The following VSNL1 variants were observed in gnomAD, a reference collection of about 807,000 sequenced individuals.
VSNL1 encodes visinin-like protein 1.
Under a neutral mutation model 20.4 loss-of-function variants are expected in VSNL1, and 6 were observed. The ratio of observed to expected loss-of-function variants is 0.29; its 90% CI spans 0.16 to 0.58. The LOEUF is 0.58. Among genes scored for constraint, VSNL1 ranks in the 20% least tolerant of loss-of-function variants. The pLI, the probability that VSNL1 is intolerant of heterozygous loss-of-function variation, is 0.90. For synonymous variants in VSNL1, 93 were observed against 86.4 expected, an observed-to-expected ratio of 1.08 and a Z score of -0.42; for missense variants, 100 against 234.5, an observed-to-expected ratio of 0.43 and a Z score of 3.75.
chr2:17,622,440 G>C (rs2555098), intron 2 of VSNL1, among the ~76,000 whole-genome samples: 1 of 149,674 alleles, frequency 6.7e-6, no homozygotes, highest in African/African-American at 2.5e-5. Flanking sequence ...GGAGGTCGCA[G>C]TGAGCCAAGA....
intron 2 of VSNL1, among the ~76,000 whole-genome samples, chr2:17,625,092 GT>G (rs1468020599): frequency 6.6e-6 from 1 of 151,346 alleles, no homozygotes; most frequent in Admixed American, 6.6e-5. Context: ...AGCTCTGATG[GT>G]TTTATCAGGG....
At position 17,655,593 on chromosome 2, in the gene VSNL1, G is replaced by T; in HGVS notation, c.*199G>T. On this transcript the variant is annotated 3_prime_UTR_variant, in exon 4 of 4. Coordinates refer to ENST00000295156, the MANE Select transcript of VSNL1 (RefSeq NM_003385.5). This position sits in a 1 kb window ranked among gnomAD's most constrained non-coding sequence, Gnocchi z 5.2. ...TGTCATTTGCTAATGAATTTTAAAA[G>T]CATATATAAAACAAAACAAACAACC... 1.8e-6 allele frequency: 1 copy of T among 556,334 alleles called. No homozygotes were observed. Among genetic ancestry groups the T allele is most frequent in the Middle Eastern group, 4.8e-4 (1 of 2,062 alleles). 34.5% of individuals were successfully genotyped at this position (556,334 alleles called of 1,614,324 possible).
intron 2 of VSNL1, among the ~76,000 whole-genome samples, chr2:17,614,312 G>A (rs1410858544): frequency 6.6e-6 from 1 of 152,266 alleles, no homozygotes; most frequent in Non-Finnish European, 1.5e-5. Context: ...GCTTAACAAT[G>A]TTCAGCAAAT....
In VSNL1 at chr2:17,649,734, AG is replaced by A. The variant is rs1406196742; in HGVS notation, c.378+110del. On this transcript the variant is annotated intron_variant, in intron 3 of 3. Coordinates refer to ENST00000295156, the MANE Select transcript of VSNL1 (RefSeq NM_003385.5). The surrounding 1 kb of genome is among the most constrained non-coding windows in gnomAD (Gnocchi z 6.4). Reference sequence around the variant, plus strand: ...CTTCTCTCTCTGCTCGAGCCCTGCCAGCTGCACACCACGCCTGGACTTCTCC... The same window carrying A: ...CTTCTCTCTCTGCTCGAGCCCTGCCACTGCACACCACGCCTGGACTTCTCC... 9.8e-7 allele frequency: 1 copy of A among 1,023,190 alleles called. No homozygotes were observed. Among genetic ancestry groups the A allele is most frequent in the African/African-American group, 1.6e-5 (1 of 62,902 alleles). 63.4% of individuals were successfully genotyped at this position (1,023,190 alleles called of 1,614,324 possible). A position where few individuals can be genotyped will look rare whatever the true frequency, so the allele number is the denominator to read the frequency against.
intron 2 of VSNL1, among the ~76,000 whole-genome samples, chr2:17,610,315 A>G (rs942240474): frequency 2.6e-5 from 4 of 152,168 alleles, no homozygotes; most frequent in Non-Finnish European, 4.4e-5. Flanking sequence ...GAGCTCAATC[A>G]ATGAGGGAGT....
intron 2 of VSNL1, among the ~76,000 whole-genome samples, chr2:17,629,013 C>T (rs1665573941): frequency 6.6e-6 from 1 of 152,256 alleles, no homozygotes; most frequent in South Asian, 2.1e-4. Context: ...GCCTTCAACA[C>T]AGGGCTCAGA....
At chr2:17,563,445 G>C (rs1663864781) in intron 1 of VSNL1, among the ~76,000 whole-genome samples, 1 of 152,126 alleles carries the variant, frequency 6.6e-6, no homozygotes, top group African/African-American at 2.4e-5. Context: ...GGAAAATATT[G>C]GTCAGTCACC....
At chr2:17,578,006 A>G (rs1449816606) in intron 1 of VSNL1, among the ~76,000 whole-genome samples, 1 of 152,214 alleles carries the variant, frequency 6.6e-6, no homozygotes, top group African/African-American at 2.4e-5. Flanking sequence ...AAACGGTTGT[A>G]AAGAAGAAGT....
chr2:17,630,985 T>A (rs1665615639), intron 2 of VSNL1, among the ~76,000 whole-genome samples: 1 of 152,210 alleles, frequency 6.6e-6, no homozygotes, highest in Admixed American at 6.5e-5. Flanking sequence ...TTTCACCATG[T>A]TGGCCAGGCT....
At chr2:17,617,202 G>A (rs747405352) in intron 2 of VSNL1, among the ~76,000 whole-genome samples, 7 of 152,184 alleles carry the variant, frequency 4.6e-5, no homozygotes, top group Admixed American at 4.6e-4. Context: ...TTCAGCAGGA[G>A]AGCTTGAGAG....
At chr2:17,602,374 G>A (rs1229428216) in intron 2 of VSNL1, among the ~76,000 whole-genome samples, 1 of 152,222 alleles carries the variant, frequency 6.6e-6, no homozygotes, top group Non-Finnish European at 1.5e-5. Flanking sequence ...CCTCACAGGT[G>A]AAATCCAGTC....
intron 2 of VSNL1, among the ~76,000 whole-genome samples, chr2:17,593,421 A>AT (rs1269532958): frequency 6.6e-6 from 1 of 152,234 alleles, no homozygotes; most frequent in Non-Finnish European, 1.5e-5. Context: ...GGAAATAGAA[A>AT]TTTTTAAAAA....
chr2:17,634,456 A>T lies in VSNL1; in HGVS notation c.163-14954A>T, dbSNP rs1572213060. On this transcript the variant is annotated intron_variant, in intron 2 of 3. Transcript: ENST00000295156. The surrounding 1 kb of genome is among the most constrained non-coding windows in gnomAD (Gnocchi z 4.3). ...TGTCCCTTTCCATCTCAGCCTTTGC[A>T]TTTAGCGGTCTTCTCAACACGTGTC... 6.6e-6 allele frequency among the ~76,000 whole-genome samples: 1 copy of T among 152,234 alleles called. No homozygotes were observed. The highest frequency in any genetic ancestry group is 2.1e-4 in the South Asian group (1 of 4,834).
intron 1 of VSNL1, among the ~76,000 whole-genome samples, chr2:17,548,277 A>G (rs559199536): frequency 2.6e-5 from 4 of 151,496 alleles, no homozygotes; most frequent in Non-Finnish European, 5.9e-5. Context: ...AGCATTTTCA[A>G]TTTCCTTCAG....
chr2:17,639,593 A>G (rs1665835993), intron 2 of VSNL1, among the ~76,000 whole-genome samples: 1 of 152,186 alleles, frequency 6.6e-6, no homozygotes, highest in Admixed American at 6.5e-5. Context: ...GAATATATGT[A>G]CTCTTTAAAT....
At chr2:17,643,132 T>C (rs907618525) in intron 2 of VSNL1, among the ~76,000 whole-genome samples, 1 of 152,182 alleles carries the variant, frequency 6.6e-6, no homozygotes. Context: ...CCAGACCTTC[T>C]ATCTTCTTAT....
intron 1 of VSNL1, among the ~76,000 whole-genome samples, chr2:17,566,357 T>G (rs1031370135): frequency 2.6e-5 from 4 of 152,154 alleles, no homozygotes; most frequent in African/African-American, 9.7e-5. Flanking sequence ...CAATTTATAT[T>G]CCCACCAGCA....
intron 1 of VSNL1, among the ~76,000 whole-genome samples, chr2:17,585,650 G>C (rs1664454639): frequency 6.6e-6 from 1 of 152,054 alleles, no homozygotes; most frequent in South Asian, 2.1e-4. Flanking sequence ...TCTCATCCCA[G>C]CTCTGCCATC....
chr2:17,606,678 G>A (rs527311086), intron 2 of VSNL1, among the ~76,000 whole-genome samples: 1 of 152,272 alleles, frequency 6.6e-6, no homozygotes, highest in African/African-American at 2.4e-5. Context: ...GCCAGAGAGA[G>A]GGGGCTTGAT....
Sources: gnomAD v4.1 joint callset for allele counts (sites outside exome capture counted in the v4.1 genomes callset) on GRCh38, gnomAD v4.1.1 for gene constraint, Gnocchi (gnomAD v3.1) non-coding constraint, MANE v1.5 for transcripts, NCBI Gene and HGNC (gene_info 2026-07-23, HGNC 2026-07-21) for gene names.